SLC28A2: variants seen among roughly 807,000 people sequenced by gnomAD.
The protein encoded by SLC28A2 is solute carrier family 28 member 2, also known as sodium/nucleoside cotransporter 2.
A neutral mutation model predicts 72.9 loss-of-function variants in SLC28A2; 69 were observed. That is an observed-to-expected ratio of 0.95 (90% CI 0.78 to 1.16). SLC28A2 has a LOEUF of 1.16. SLC28A2 is among the 50% of genes most tolerant of loss of function. The probability of loss-of-function intolerance (pLI) is 0.00; values close to 1 mark genes in which losing one functional copy is unlikely to be tolerated. For missense variants in SLC28A2, 745 were observed against 791.1 expected, an observed-to-expected ratio of 0.94 and a Z score of 0.70; for synonymous variants, 296 against 294.1, an observed-to-expected ratio of 1.01 and a Z score of -0.07.
At position 45,263,123 on chromosome 15, in the gene SLC28A2, G is replaced by T; in HGVS notation, c.325G>T (p.Val109Phe). 1 of 1,613,974 alleles carries T rather than the reference G, an allele frequency of 6.2e-7. No homozygotes were observed. Among genetic ancestry groups the T allele is most frequent in the Non-Finnish European group, 8.5e-7 (1 of 1,179,902 alleles). The change falls in exon 5 of 18, where the codon GTC becomes TTC. Residue 109 changes from valine to phenylalanine, a missense_variant. Transcript: ENST00000347644. ...LNFQRALALF[V>F]ITCLVIFVLV... The stretch of plus-strand genomic sequence containing the variant: ...TTTCCAGAGGGCACTGGCCTTGTTT[G>T]TCATCACCTGCTTGGTGATCTTTGT...
chr15:45,267,398 C>A (rs2140574360), intron 10 of SLC28A2, 57 bp from the exon 11 acceptor site: 2 of 1,604,124 alleles, frequency 1.2e-6, no homozygotes, highest in South Asian at 1.1e-5. Context: ...GGGGTGGGCA[C>A]ACTGGCATGG....
chr15:45,254,140 G>A (rs755170708), intron 3 of SLC28A2, among the ~76,000 whole-genome samples: 17 of 152,096 alleles, frequency 1.1e-4, no homozygotes, highest in Non-Finnish European at 2.5e-4. Context: ...AAAATTGTTT[G>A]AGTAAAATAG....
Position 45,272,365 on chromosome 15 carries a change from T to C in SLC28A2, c.1719T>C (p.Cys573=). ...TCAGGGCCCTCTTCACAGGGGCCTG[T>C]GTATCCCTTATCAGTGCCTGTATGG... ...VVVRALFTGA[C]VSLISACMAG... is the part of the protein sequence containing the mutation. The change falls in exon 16 of 18, where the codon TGT becomes TGC. Residue 573 remains cysteine, a synonymous_variant. Coordinates refer to ENST00000347644, the MANE Select transcript of SLC28A2 (RefSeq NM_004212.4). 1.9e-6 allele frequency: 3 copies of C among 1,613,986 alleles called. No homozygotes were observed. Among genetic ancestry groups the C allele is most frequent in the Non-Finnish European group, 2.5e-6 (3 of 1,179,936 alleles).
intron 10 of SLC28A2, 36 bp from the exon 11 acceptor site, chr15:45,267,419 C>G (rs766627697): frequency 1.6e-5 from 26 of 1,613,046 alleles, no homozygotes; most frequent in Non-Finnish European, 2.2e-5. Flanking sequence ...GGAGTTACAC[C>G]TTCTTGGAAT....
rs765485110 is a variant in SLC28A2 at position 45,253,182 on chromosome 15, C to A, written c.-16-18C>A. ...GAATGACCAATCTTTCAGGCTTGGC[C>A]CTGAATTTGTTTTTCAGTTGAGGAG... On this transcript the variant is annotated intron_variant, in intron 1 of 17. Transcript: ENST00000347644. The A allele has an allele frequency of 1.7e-5, 24 of 1,428,266 alleles. No individual in the cohort carries two copies. The African/African-American group carries it at 4.1e-4, about 25-fold the overall frequency. The allele number at this position is 1,428,266 out of a possible 1,614,324, so 88.5% of individuals were successfully genotyped here.
At chr15:45,268,405 C>T in intron 13 of SLC28A2, 27 bp downstream of exon 13, 1 of 1,553,990 alleles carries the variant, frequency 6.4e-7, no homozygotes, top group Non-Finnish European at 8.8e-7. Flanking sequence ...GTTGGGCTGT[C>T]CCTCTGGGAT....
At chr15:45,259,883 G>A (rs8040185) in intron 3 of SLC28A2, among the ~76,000 whole-genome samples, 71,996 of 152,104 alleles carry the variant, frequency 0.47, 20,734 homozygotes, top group Non-Finnish European at 0.67. Flanking sequence ...CATGCAATTT[G>A]TATCTACTCT....
intron 6 of SLC28A2, 145 bp downstream of exon 6, chr15:45,264,167 G>T: frequency 2.7e-6 from 2 of 746,494 alleles, no homozygotes; most frequent in Non-Finnish European, 3.9e-6. Flanking sequence ...TGATAATTTT[G>T]TTTCTAAGAT....
chr15:45,275,633 A>G lies in SLC28A2; in HGVS notation c.*120A>G. 1.4e-6 allele frequency: 1 copy of G among 692,770 alleles called. No individual in the cohort carries two copies. The highest frequency in any genetic ancestry group is 2.5e-5 in the East Asian group (1 of 39,564). 42.9% of individuals were successfully genotyped at this position (692,770 alleles called of 1,614,324 possible). A position where few individuals can be genotyped will look rare whatever the true frequency, so the allele number is the denominator to read the frequency against. ...AAGATGTTTAACAGTAAGTAACAGT[A>G]AATGTAAAAGATTCATTTTGGGCCG... On this transcript the variant is annotated 3_prime_UTR_variant, in exon 18 of 18. Transcript: ENST00000347644.
chr15:45,256,230 T>G (rs1045674053), intron 3 of SLC28A2, among the ~76,000 whole-genome samples: 3 of 152,210 alleles, frequency 2.0e-5, no homozygotes, highest in African/African-American at 7.2e-5. Context: ...AAATGAGGTC[T>G]TACTTCATTA....
rs889381834 is a variant in SLC28A2 at position 45,275,581 on chromosome 15, A to G, written c.*68A>G. ...TTTGTGATTGCAAAGGTGTTTATGT[A>G]CTCAGGGTGCCCACAACTCACTCAC... On this transcript the variant is annotated 3_prime_UTR_variant, in exon 18 of 18. Transcript: ENST00000347644. The G allele has an allele frequency of 1.7e-4, 161 of 945,070 alleles. 1 individual carries two copies. Among genetic ancestry groups the G allele is most frequent in the Middle Eastern group, 4.3e-4 (2 of 4,622 alleles). 58.5% of individuals were successfully genotyped at this position (945,070 alleles called of 1,614,324 possible).
intron 5 of SLC28A2, 106 bp from the exon 6 acceptor site, chr15:45,263,775 C>A (rs752227309): frequency 4.8e-5 from 54 of 1,124,166 alleles, no homozygotes; most frequent in Non-Finnish European, 6.2e-5. Context: ...ACATGCATGG[C>A]CTTTGATCAC....
At chr15:45,261,349 G>A (rs375352975) in intron 3 of SLC28A2, among the ~76,000 whole-genome samples, 1 of 131,202 alleles carries the variant, frequency 7.6e-6, no homozygotes, top group South Asian at 2.4e-4. Flanking sequence ...TTTAACTTCT[G>A]TTTTTCAGTT....
In SLC28A2 at chr15:45,275,740, C is replaced by T. The variant is rs1409363360; in HGVS notation, c.*227C>T. The T allele has an allele frequency of 7.6e-6, 3 of 394,004 alleles. No homozygotes were observed. The highest frequency in any genetic ancestry group is 6.3e-5 in the South Asian group (2 of 31,828). 24.4% of individuals were successfully genotyped at this position (394,004 alleles called of 1,614,324 possible). A position where few individuals can be genotyped will look rare whatever the true frequency, so the allele number is the denominator to read the frequency against. On this transcript the variant is annotated 3_prime_UTR_variant, in exon 18 of 18. Coordinates refer to ENST00000347644, the MANE Select transcript of SLC28A2 (RefSeq NM_004212.4). ...CACAAGGTCAGGAGATCGAGACCAT[C>T]CTGGCTAACACAGTGAAACCCCGTC...
At chr15:45,264,076 G>T in intron 6 of SLC28A2, 54 bp downstream of exon 6, 1 of 1,534,454 alleles carries the variant, frequency 6.5e-7, no homozygotes. Context: ...AGGGCCAAGT[G>T]CTAATCATAA....
At chr15:45,257,612 T>C (rs1213283368) in intron 3 of SLC28A2, among the ~76,000 whole-genome samples, 1 of 152,224 alleles carries the variant, frequency 6.6e-6, no homozygotes, top group African/African-American at 2.4e-5. Flanking sequence ...TTTTTAAGTA[T>C]TTATTTCTTT....
Position 45,255,701 on chromosome 15 carries a change from A to G in SLC28A2, c.170+2181A>G, listed in dbSNP as rs1450983936. Reference sequence around the variant, plus strand: ...GTTGGGAAGAGATGTATCATTATATAAAATTTCCACCATACACATACAGCA... The same window carrying G: ...GTTGGGAAGAGATGTATCATTATATGAAATTTCCACCATACACATACAGCA... On this transcript the variant is annotated intron_variant, in intron 3 of 17. Coordinates refer to ENST00000347644, the MANE Select transcript of SLC28A2 (RefSeq NM_004212.4). Among the ~76,000 whole-genome samples the G allele has an allele frequency of 2.0e-5, 3 of 152,196 alleles. No individual in the cohort carries two copies. The East Asian group carries it at 5.8e-4, about 29-fold the overall frequency.
At chr15:45,261,071 C>G (rs1278648410) in intron 3 of SLC28A2, among the ~76,000 whole-genome samples, 1 of 152,212 alleles carries the variant, frequency 6.6e-6, no homozygotes, top group Non-Finnish European at 1.5e-5. Flanking sequence ...GGTCCTAACC[C>G]TGGCTAAGCT....
At chr15:45,264,131 A>AT in intron 6 of SLC28A2, 109 bp downstream of exon 6, 1 of 1,035,204 alleles carries the variant, frequency 9.7e-7, no homozygotes, top group South Asian at 2.4e-5. Flanking sequence ...GAACTAGTTC[A>AT]TAACAACCCC....
Sources: allele counts gnomAD v4.1 joint callset (sites outside exome capture counted in the v4.1 genomes callset), GRCh38; gene constraint gnomAD v4.1.1; transcripts MANE v1.5; gene names NCBI Gene and HGNC (gene_info 2026-07-23, HGNC 2026-07-21).